ARL15: variants seen among roughly 807,000 people sequenced by gnomAD.
The protein encoded by ARL15 is ADP-ribosylation factor-like protein 15.
ARL15 carries 19 observed loss-of-function variants against 25.2 expected under a neutral mutation model. That is an observed-to-expected ratio of 0.75 (90% CI 0.53 to 1.10). The LOEUF (loss-of-function observed/expected upper bound fraction) is 1.10. ARL15 is among the 50% of genes least tolerant of loss of function. The pLI is 0.00. For missense variants in ARL15, 220 were observed against 246.0 expected (o/e 0.89, Z 0.71); for synonymous variants, 94 against 86.8 (o/e 1.08, Z -0.46).
At chr5:53,977,354 CAAAAAA>C (rs397884651) in intron 4 of ARL15, among the ~76,000 whole-genome samples, 1 of 90,272 alleles carries the variant, frequency 1.1e-5, no homozygotes. Context: ...GACTCCGCCT[CAAAAAA>C]AAAAAAAAAA....
At chr5:53,961,516 A>C (rs2112151042) in intron 4 of ARL15, among the ~76,000 whole-genome samples, 1 of 151,180 alleles carries the variant, frequency 6.6e-6, no homozygotes, top group African/African-American at 2.4e-5. Context: ...AAAAAAAAAA[A>C]AAAATCATTC....
At chr5:53,893,304 CT>C (rs1363895565) in intron 4 of ARL15, among the ~76,000 whole-genome samples, 2 of 149,826 alleles carry the variant, frequency 1.3e-5, no homozygotes, top group Non-Finnish European at 3.0e-5. Flanking sequence ...GACTTTTTTT[CT>C]TTTTAAAGGG....
At chr5:53,938,902 G>A (rs940734280) in intron 4 of ARL15, among the ~76,000 whole-genome samples, 3 of 152,180 alleles carry the variant, frequency 2.0e-5, no homozygotes, top group Non-Finnish European at 2.9e-5. Context: ...TGCATCACTT[G>A]GCAGTCTGGC....
chr5:54,099,876 G>C (rs1172028004), intron 4 of ARL15, among the ~76,000 whole-genome samples: 26 of 152,068 alleles, frequency 1.7e-4, no homozygotes, highest in Admixed American at 1.6e-3. Context: ...ATATAATTTA[G>C]ATGGTCAACA....
chr5:53,944,013 C>G (rs1194226872), intron 4 of ARL15, among the ~76,000 whole-genome samples: 1 of 152,122 alleles, frequency 6.6e-6, no homozygotes, highest in African/African-American at 2.4e-5. Context: ...CAACTCTGGA[C>G]CCCATGTTAC....
chr5:54,009,524 CA>C (rs2111773279), intron 4 of ARL15, among the ~76,000 whole-genome samples: 1 of 152,060 alleles, frequency 6.6e-6, no homozygotes, highest in African/African-American at 2.4e-5. Flanking sequence ...TGTTTCAGGT[CA>C]AAAAACATTG....
chr5:54,245,683 G>A (rs1218393408), intron 1 of ARL15, among the ~76,000 whole-genome samples: 1 of 152,026 alleles, frequency 6.6e-6, no homozygotes, highest in African/African-American at 2.4e-5. Flanking sequence ...CGCCTCTTGA[G>A]TTCACGTGAT....
chr5:54,067,824 C>G (rs1751290053), intron 4 of ARL15, among the ~76,000 whole-genome samples: 1 of 152,202 alleles, frequency 6.6e-6, no homozygotes, highest in Non-Finnish European at 1.5e-5. Context: ...TGCCAAATCT[C>G]TTGACAAGAA....
At chr5:54,293,612 A>G (rs993381508) in intron 1 of ARL15, among the ~76,000 whole-genome samples, 171 of 152,204 alleles carry the variant, frequency 1.1e-3, no homozygotes, top group African/African-American at 3.9e-3. Context: ...ATCTATTCCA[A>G]CCTCTCACTC....
At chr5:53,919,460 AT>A (rs1745773040) in intron 4 of ARL15, among the ~76,000 whole-genome samples, 1 of 152,196 alleles carries the variant, frequency 6.6e-6, no homozygotes, top group Non-Finnish European at 1.5e-5. Flanking sequence ...GTAGAAATAC[AT>A]TTACCTTTCT....
chr5:54,142,561 C>G (rs1753805934), intron 3 of ARL15, among the ~76,000 whole-genome samples: 1 of 152,152 alleles, frequency 6.6e-6, no homozygotes, highest in Non-Finnish European at 1.5e-5. Flanking sequence ...ACCTTGCTGG[C>G]CCATTCATGC....
At chr5:54,044,071 G>C (rs1054904612) in intron 4 of ARL15, among the ~76,000 whole-genome samples, 1 of 151,918 alleles carries the variant, frequency 6.6e-6, no homozygotes, top group Non-Finnish European at 1.5e-5. Context: ...TAGTTCACTC[G>C]CTCATTAATT....
intron 4 of ARL15, among the ~76,000 whole-genome samples, chr5:53,981,722 C>T (rs555098906): frequency 4.6e-5 from 7 of 151,748 alleles, no homozygotes; most frequent in African/African-American, 1.7e-4. Context: ...ATGGAGAAAC[C>T]CCATCTCTAT....
At chr5:54,005,144 G>A (rs993682790) in intron 4 of ARL15, among the ~76,000 whole-genome samples, 1 of 151,948 alleles carries the variant, frequency 6.6e-6, no homozygotes, top group East Asian at 1.9e-4. Flanking sequence ...GAGCCACCAC[G>A]CCCAGCCCGT....
intron 4 of ARL15, among the ~76,000 whole-genome samples, chr5:53,975,890 T>C (rs1486183831): frequency 6.6e-6 from 1 of 152,082 alleles, no homozygotes; most frequent in Non-Finnish European, 1.5e-5. Flanking sequence ...TGTGTAGCTA[T>C]AATAACAAAA....
intron 1 of ARL15, among the ~76,000 whole-genome samples, chr5:54,251,555 AT>A (rs1289150016): frequency 6.6e-6 from 1 of 152,204 alleles, no homozygotes; most frequent in Non-Finnish European, 1.5e-5. Context: ...TCTAAAGTTT[AT>A]TTAAATGGTT....
chr5:54,046,815 C>T (rs954537503), intron 4 of ARL15, among the ~76,000 whole-genome samples: 9 of 152,160 alleles, frequency 5.9e-5, no homozygotes, highest in Non-Finnish European at 8.8e-5. Flanking sequence ...TTACTGGGGA[C>T]AGCAAGTAAG....
chr5:54,057,686 T>TA (rs1750923161), intron 4 of ARL15, among the ~76,000 whole-genome samples: 1 of 151,914 alleles, frequency 6.6e-6, no homozygotes, highest in African/African-American at 2.4e-5. Context: ...TACAAAAAAA[T>TA]ATTTAAAAAT....
intron 1 of ARL15, among the ~76,000 whole-genome samples, chr5:54,288,929 T>C (rs556771128): frequency 5.9e-5 from 9 of 152,182 alleles, no homozygotes; most frequent in Non-Finnish European, 1.0e-4. Flanking sequence ...TAGATGAGAC[T>C]TGCAAGAGCA....
Sources: allele counts gnomAD v4.1 joint callset (sites outside exome capture counted in the v4.1 genomes callset), GRCh38; gene constraint gnomAD v4.1.1; transcripts MANE v1.5; gene names NCBI Gene and HGNC (gene_info 2026-07-23, HGNC 2026-07-21).